Variants in RBFOX1 observed in about 807,000 individuals in gnomAD.
RBFOX1 encodes RNA binding protein fox-1 homolog 1.
Under a neutral mutation model 57.7 loss-of-function variants are expected in RBFOX1, and 8 were observed. The ratio of observed to expected loss-of-function variants is 0.14; its 90% confidence interval spans 0.08 to 0.25. RBFOX1 has a LOEUF of 0.25. Ranked by LOEUF, RBFOX1 falls within the 10% of genes least tolerant of loss-of-function variation. The pLI is 1.00. For synonymous variants in RBFOX1, 326 were observed against 222.4 expected, an observed-to-expected ratio of 1.47 and a Z score of -4.15; for missense variants, 611 against 548.5, an observed-to-expected ratio of 1.11 and a Z score of -1.14.
chr16:6,919,908 G>C (rs546448160), intron 3 of RBFOX1, among the ~76,000 whole-genome samples: 6 of 151,650 alleles, frequency 4.0e-5, no homozygotes, highest in Non-Finnish European at 7.4e-5. Flanking sequence ...ACTGTACCCA[G>C]TGTGTCATCT....
chr16:7,157,855 A>G (rs2077464740), intron 4 of RBFOX1, among the ~76,000 whole-genome samples: 1 of 152,314 alleles, frequency 6.6e-6, no homozygotes, highest in Non-Finnish European at 1.5e-5. Context: ...TACTTCAGGG[A>G]GGACAAATAT....
chr16:5,784,255 A>G (rs373156562), intron 3 of RBFOX1, among the ~76,000 whole-genome samples: 120 of 152,216 alleles, frequency 7.9e-4, no homozygotes, highest in South Asian at 5.2e-3. Flanking sequence ...CCCCGTCTCT[A>G]CTAAAAATAC....
At chr16:6,440,024 T>C (rs1199184027) in intron 2 of RBFOX1, among the ~76,000 whole-genome samples, 3 of 151,816 alleles carry the variant, frequency 2.0e-5, no homozygotes, top group Non-Finnish European at 2.9e-5. Context: ...GCAACTTCCT[T>C]CTCCTGGGTT....
chr16:5,757,089 A>G (rs1369922606), intron 3 of RBFOX1, among the ~76,000 whole-genome samples: 1 of 152,192 alleles, frequency 6.6e-6, no homozygotes, highest in Non-Finnish European at 1.5e-5. Context: ...ATTGAGACCT[A>G]AAATTAAGAA....
At chr16:7,330,712 A>G (rs539343208) in intron 4 of RBFOX1, among the ~76,000 whole-genome samples, 44 of 152,058 alleles carry the variant, frequency 2.9e-4, no homozygotes, top group Non-Finnish European at 5.1e-4. Flanking sequence ...TGTTGCCTGA[A>G]TGATGGAATT....
rs1176309761 is a variant in RBFOX1 at position 6,256,211 on chromosome 16, GTA to G, written c.-126-60776_-126-60775del. On this transcript the variant is annotated intron_variant, in intron 1 of 15. Transcript: ENST00000550418. ...CGTATATATATGTATATGTATATGT[GTA>G]TATATATGTATATATATATGTGTAT... 4.1e-3 allele frequency among the ~76,000 whole-genome samples: 46 copies of G among 11,158 alleles called. 4 individuals carry two copies. The highest frequency in any genetic ancestry group is 0.033 in the Middle Eastern group (1 of 30). 7.3% of individuals were successfully genotyped at this position (11,158 alleles called of 152,430 possible).
chr16:7,063,648 A>G (rs1283885769), intron 4 of RBFOX1, among the ~76,000 whole-genome samples: 1 of 152,194 alleles, frequency 6.6e-6, no homozygotes, highest in East Asian at 1.9e-4. Context: ...GGCCCTTCAT[A>G]TCTGTAGGTT....
intron 12 of RBFOX1, among the ~76,000 whole-genome samples, chr16:7,663,487 TGTGTGTGTCAGTACAGC>T (rs947908546): frequency 2.0e-5 from 3 of 149,140 alleles, no homozygotes; most frequent in Admixed American, 2.0e-4. Flanking sequence ...CACAGCTGCG[TGTGTGTGTCAGTACAGC>T]GTGTGTGTGT....
intron 3 of RBFOX1, among the ~76,000 whole-genome samples, chr16:6,948,647 G>C (rs2080067089): frequency 6.6e-6 from 1 of 151,996 alleles, no homozygotes; most frequent in Non-Finnish European, 1.5e-5. Context: ...CTCCCAAAGT[G>C]CTGGGATTAC....
At chr16:6,683,175 T>TA (rs2058927539) in intron 3 of RBFOX1, among the ~76,000 whole-genome samples, 1 of 152,176 alleles carries the variant, frequency 6.6e-6, no homozygotes, top group African/African-American at 2.4e-5. Context: ...ACAGAGGACT[T>TA]ACATTAAATT....
At chr16:6,663,288 T>C (rs1389442259) in intron 3 of RBFOX1, among the ~76,000 whole-genome samples, 1 of 152,150 alleles carries the variant, frequency 6.6e-6, no homozygotes, top group East Asian at 1.9e-4. Flanking sequence ...CTTAAGTATT[T>C]GTATATAGTT....
At chr16:6,728,514 C>T (rs1311710432) in intron 3 of RBFOX1, among the ~76,000 whole-genome samples, 1 of 152,088 alleles carries the variant, frequency 6.6e-6, no homozygotes, top group Admixed American at 6.6e-5. Flanking sequence ...TTTTAATTCT[C>T]AACGCATCTG....
At chr16:6,145,970 T>C (rs867251072) in intron 1 of RBFOX1, among the ~76,000 whole-genome samples, 3 of 152,278 alleles carry the variant, frequency 2.0e-5, no homozygotes, top group African/African-American at 7.2e-5. Context: ...CAGGATCTCC[T>C]TTGTGACCAA....
intron 4 of RBFOX1, among the ~76,000 whole-genome samples, chr16:5,872,948 C>A (rs933585296): frequency 3.3e-5 from 5 of 151,984 alleles, no homozygotes; most frequent in African/African-American, 1.2e-4. Flanking sequence ...GTCAAGAGAT[C>A]CAGACCATTC....
chr16:5,675,590 C>T (rs559458152), intron 3 of RBFOX1, among the ~76,000 whole-genome samples: 1 of 152,332 alleles, frequency 6.6e-6, no homozygotes, highest in Non-Finnish European at 1.5e-5. Flanking sequence ...TATGTTTAAA[C>T]ATGGCAACGG....
At chr16:7,689,152 A>C (rs959778888) in intron 14 of RBFOX1, among the ~76,000 whole-genome samples, 4 of 152,188 alleles carry the variant, frequency 2.6e-5, no homozygotes, top group African/African-American at 9.6e-5. Flanking sequence ...ACTTGCAGTC[A>C]TAAGTGCCCC....
chr16:5,707,976 T>C (rs905002066), intron 3 of RBFOX1, among the ~76,000 whole-genome samples: 6 of 152,186 alleles, frequency 3.9e-5, no homozygotes, highest in African/African-American at 1.4e-4. Flanking sequence ...ATAATACTCA[T>C]CTCAGGTGAA....
At chr16:5,295,343 T>C (rs1596433795) in intron 1 of RBFOX1, among the ~76,000 whole-genome samples, 1 of 152,198 alleles carries the variant, frequency 6.6e-6, no homozygotes, top group African/African-American at 2.4e-5. Flanking sequence ...ATATTAGTTA[T>C]CTATTGCTGG....
chr16:7,618,936 C>T (rs761709556), intron 10 of RBFOX1, among the ~76,000 whole-genome samples: 35 of 152,056 alleles, frequency 2.3e-4, no homozygotes, highest in Admixed American at 4.6e-4. Context: ...AATGGAATTC[C>T]GCATCTGCAT....
Sources: allele counts gnomAD v4.1 joint callset (sites outside exome capture counted in the v4.1 genomes callset), GRCh38; gene constraint gnomAD v4.1.1; transcripts MANE v1.5; gene names NCBI Gene and HGNC (gene_info 2026-07-23, HGNC 2026-07-21).